Variants in CNTNAP4 observed in about 807,000 individuals in gnomAD.
The protein encoded by CNTNAP4 is contactin associated protein family member 4, also known as contactin-associated protein-like 4.
A neutral mutation model predicts 148.4 loss-of-function variants in CNTNAP4; 98 were observed. The ratio of observed to expected loss-of-function variants is 0.66; its 90% CI spans 0.56 to 0.78. The LOEUF (loss-of-function observed/expected upper bound fraction) is 0.78, where lower values mean the gene tolerates loss of function less well. CNTNAP4 is among the 30% of genes least tolerant of loss of function. CNTNAP4 has a pLI of 0.00. For missense variants in CNTNAP4, 1,935 were observed against 1,565.6 expected, an observed-to-expected ratio of 1.24 and a Z score of -3.98; for synonymous variants, 730 against 565.1, an observed-to-expected ratio of 1.29 and a Z score of -4.14.
chr16:76,444,496 T>G (rs73617584), intron 4 of CNTNAP4, among the ~76,000 whole-genome samples: 2,262 of 152,200 alleles, frequency 0.015, 59 homozygotes, highest in African/African-American at 0.051. Context: ...CTCCTGTCTC[T>G]GTCACCAGCA....
chr16:76,424,601 GA>G (rs896493157), intron 3 of CNTNAP4, among the ~76,000 whole-genome samples: 1 of 151,578 alleles, frequency 6.6e-6, no homozygotes, highest in African/African-American at 2.4e-5. Flanking sequence ...TAAAAATGCA[GA>G]AAAAAAATTA....
In CNTNAP4 at chr16:76,540,983, A is replaced by G. The variant is rs572230656; in HGVS notation, c.3442+193A>G. On this transcript the variant is annotated intron_variant, in intron 21 of 23. Coordinates refer to ENST00000611870, the MANE Select transcript of CNTNAP4 (RefSeq NM_033401.5). ...GTAGGGGCGTCCTGTGTGATGAGCA[A>G]GCATCTTCCTTTGATGGTAAGGTCA... Among the ~76,000 whole-genome samples the G allele has an allele frequency of 1.2e-3, 184 of 152,264 alleles. 4 individuals carry two copies. The South Asian group carries it at 0.037, about 30-fold the overall frequency.
intron 3 of CNTNAP4, among the ~76,000 whole-genome samples, chr16:76,403,692 C>A (rs1339375271): frequency 1.3e-5 from 2 of 152,206 alleles, no homozygotes; most frequent in Non-Finnish European, 2.9e-5. Flanking sequence ...AATCCCATTA[C>A]TGGGTATGTA....
intron 3 of CNTNAP4, among the ~76,000 whole-genome samples, chr16:76,426,870 T>A (rs767392184): frequency 6.6e-6 from 1 of 152,206 alleles, no homozygotes; most frequent in Non-Finnish European, 1.5e-5. Context: ...TTGCTTCCAA[T>A]TTCCCTTCAC....
At chr16:76,303,852 A>C (rs1960221802) in intron 1 of CNTNAP4, among the ~76,000 whole-genome samples, 1 of 152,212 alleles carries the variant, frequency 6.6e-6, no homozygotes, top group African/African-American at 2.4e-5. Context: ...TAAGTAATTC[A>C]GTAAAATCCC....
chr16:76,321,214 G>A (rs962053269), intron 2 of CNTNAP4, among the ~76,000 whole-genome samples: 1 of 152,190 alleles, frequency 6.6e-6, no homozygotes, highest in Non-Finnish European at 1.5e-5. Flanking sequence ...GCACTTATCT[G>A]TAGAGGAATT....
chr16:76,537,097 T>C (rs527746601), intron 18 of CNTNAP4, among the ~76,000 whole-genome samples: 3 of 152,340 alleles, frequency 2.0e-5, no homozygotes, highest in South Asian at 4.1e-4. Context: ...TAGGACACTT[T>C]TCATGTTTAA....
chr16:76,333,167 G>T (rs1464427766), intron 2 of CNTNAP4, among the ~76,000 whole-genome samples: 1 of 152,162 alleles, frequency 6.6e-6, no homozygotes, highest in Admixed American at 6.5e-5. Flanking sequence ...AGGGTTAGTA[G>T]TCCCCAGGTC....
At chr16:76,427,727 A>G (rs2079461704) in intron 4 of CNTNAP4, 128 bp downstream of exon 4, 1 of 885,870 alleles carries the variant, frequency 1.1e-6, no homozygotes, top group African/African-American at 1.7e-5. Flanking sequence ...ATTTTTGTGG[A>G]AAGCTTTTTT....
chr16:76,438,819 T>C (rs1354126440), intron 4 of CNTNAP4, among the ~76,000 whole-genome samples: 2 of 152,172 alleles, frequency 1.3e-5, no homozygotes, highest in Non-Finnish European at 2.9e-5. Context: ...CTTAGAGATA[T>C]TGTTTCTGAA....
intron 3 of CNTNAP4, among the ~76,000 whole-genome samples, chr16:76,418,741 C>G (rs1309866873): frequency 1.4e-5 from 2 of 138,268 alleles, no homozygotes; most frequent in African/African-American, 5.3e-5. Flanking sequence ...TTTTTTTTTT[C>G]TTACTTTTTG....
At chr16:76,332,874 AG>A (rs1449278720) in intron 2 of CNTNAP4, among the ~76,000 whole-genome samples, 1 of 152,160 alleles carries the variant, frequency 6.6e-6, no homozygotes, top group East Asian at 1.9e-4. Context: ...TTATTCTGGC[AG>A]CGCTTGTACA....
chr16:76,449,353 A>C (rs1374225120), intron 6 of CNTNAP4, among the ~76,000 whole-genome samples: 1 of 152,196 alleles, frequency 6.6e-6, no homozygotes, highest in East Asian at 1.9e-4. Context: ...TAATTAATTC[A>C]TTAGCAATGG....
At chr16:76,380,370 C>T (rs893932975) in intron 3 of CNTNAP4, among the ~76,000 whole-genome samples, 4 of 152,190 alleles carry the variant, frequency 2.6e-5, no homozygotes, top group Non-Finnish European at 5.9e-5. Context: ...ATCACATAAT[C>T]AGTCTCTCAG....
At chr16:76,314,082 G>C (rs1424101607) in intron 1 of CNTNAP4, among the ~76,000 whole-genome samples, 2 of 152,072 alleles carry the variant, frequency 1.3e-5, no homozygotes, top group African/African-American at 4.8e-5. Flanking sequence ...AATATTAGAA[G>C]CAATATATGT....
At chr16:76,441,871 C>T (rs1315166892) in intron 4 of CNTNAP4, among the ~76,000 whole-genome samples, 1 of 152,062 alleles carries the variant, frequency 6.6e-6, no homozygotes, top group African/African-American at 2.4e-5. Flanking sequence ...AAAAACTAGG[C>T]AGATAAGCAT....
chr16:76,347,670 C>T (rs191894119), intron 2 of CNTNAP4, among the ~76,000 whole-genome samples: 3 of 152,216 alleles, frequency 2.0e-5, no homozygotes, highest in African/African-American at 7.2e-5. Context: ...AAGGTATTAG[C>T]CCAGAGTATC....
chr16:76,366,818 AAAG>A (rs1277613217), intron 3 of CNTNAP4, among the ~76,000 whole-genome samples: 1 of 152,322 alleles, frequency 6.6e-6, no homozygotes, highest in African/African-American at 2.4e-5. Context: ...AGAAACAAAA[AAAG>A]AACTATTTAG....
At chr16:76,472,367 CAGTT>C (rs946399703) in intron 10 of CNTNAP4, among the ~76,000 whole-genome samples, 1 of 151,918 alleles carries the variant, frequency 6.6e-6, no homozygotes, top group African/African-American at 2.4e-5. Flanking sequence ...AAAATTGACT[CAGTT>C]GGTCTTTTTG....
Sources: allele counts gnomAD v4.1 joint callset (sites outside exome capture counted in the v4.1 genomes callset), GRCh38; gene constraint gnomAD v4.1.1; transcripts MANE v1.5; gene names NCBI Gene and HGNC (gene_info 2026-07-23, HGNC 2026-07-21).